The following SDCCAG8 variants were observed in gnomAD, a reference collection of about 807,000 sequenced individuals.
SDCCAG8 encodes serologically defined colon cancer antigen 8.
SDCCAG8 carries 74 observed loss-of-function variants against 101.8 expected under a neutral mutation model. The ratio of observed to expected loss-of-function variants is 0.73; its 90% CI spans 0.60 to 0.88. The LOEUF (loss-of-function observed/expected upper bound fraction) is 0.88. SDCCAG8 is among the 40% of genes least tolerant of loss of function. The probability of loss-of-function intolerance (pLI) is 0.00; values close to 1 mark genes in which losing one functional copy is unlikely to be tolerated. For synonymous variants in SDCCAG8, 281 were observed against 292.9 expected, an observed-to-expected ratio of 0.96 and a Z score of 0.41; for missense variants, 787 against 822.6, an observed-to-expected ratio of 0.96 and a Z score of 0.53.
intron 12 of SDCCAG8, chr1:243,346,250 C>T (rs1009147116): frequency 6.5e-6 from 1 of 154,376 alleles, no homozygotes; most frequent in Non-Finnish European, 1.5e-5. Flanking sequence ...AACTACTTTG[C>T]TTGGCCACCA....
chr1:243,382,037 C>A (rs1372659350), intron 13 of SDCCAG8, among the ~76,000 whole-genome samples: 3 of 151,964 alleles, frequency 2.0e-5, no homozygotes, highest in Non-Finnish European at 4.4e-5. Flanking sequence ...GGTTGGGTAC[C>A]CCAGGTAGAG....
Position 243,431,501 on chromosome 1 carries a change from G to A in SDCCAG8, c.1985+4943G>A, listed in dbSNP as rs556867079. ...GCCTGGGTTTGGGATGAGATCAAGCGTTACGTTTTGGCCATGAATTTAATG... is the reference window on the plus strand; with the variant it reads ...GCCTGGGTTTGGGATGAGATCAAGCATTACGTTTTGGCCATGAATTTAATG... On this transcript the variant is annotated intron_variant, in intron 16 of 17. Coordinates refer to ENST00000366541, the MANE Select transcript of SDCCAG8 (RefSeq NM_006642.5). Among the ~76,000 whole-genome samples, 104 of 152,254 alleles carry A rather than the reference G, an allele frequency of 6.8e-4. 2 individuals carry two copies. Among genetic ancestry groups the A allele is most frequent in the African/African-American group, 2.3e-3 (95 of 41,562 alleles).
chr1:243,455,492 C>T (rs1329866684), intron 16 of SDCCAG8, among the ~76,000 whole-genome samples: 1 of 152,188 alleles, frequency 6.6e-6, no homozygotes, highest in Non-Finnish European at 1.5e-5. Context: ...TGGTCTCGAT[C>T]TCCTCACCCC....
At chr1:243,361,352 C>T (rs2076701133) in intron 12 of SDCCAG8, among the ~76,000 whole-genome samples, 1 of 152,220 alleles carries the variant, frequency 6.6e-6, no homozygotes, top group Admixed American at 6.5e-5. Flanking sequence ...ATATCTTACT[C>T]ATTTGTTTAT....
At chr1:243,382,657 A>C (rs756555339) in intron 13 of SDCCAG8, among the ~76,000 whole-genome samples, 86 of 152,212 alleles carry the variant, frequency 5.7e-4, no homozygotes, top group Non-Finnish European at 1.2e-3. Context: ...GAATAATGAC[A>C]GATTCAAATA....
At chr1:243,362,901 A>T (rs2147857483) in intron 12 of SDCCAG8, among the ~76,000 whole-genome samples, 1 of 152,348 alleles carries the variant, frequency 6.6e-6, no homozygotes, top group Admixed American at 6.5e-5. Flanking sequence ...CATGGCACGC[A>T]TCTGCTGACC....
chr1:243,349,250 G>A (rs1312929601), intron 12 of SDCCAG8, among the ~76,000 whole-genome samples: 2 of 152,176 alleles, frequency 1.3e-5, no homozygotes, highest in African/African-American at 4.8e-5. Flanking sequence ...ATATGCTAAT[G>A]TGCCCAGTAT....
chr1:243,439,359 C>T (rs1022138714), intron 16 of SDCCAG8, among the ~76,000 whole-genome samples: 1 of 152,000 alleles, frequency 6.6e-6, no homozygotes, highest in Non-Finnish European at 1.5e-5. Context: ...CGCAGTGGCT[C>T]ATGCCTGTAA....
chr1:243,434,305 G>C (rs1386526686), intron 16 of SDCCAG8, among the ~76,000 whole-genome samples: 1 of 152,226 alleles, frequency 6.6e-6, no homozygotes, highest in Non-Finnish European at 1.5e-5. Flanking sequence ...TCAGCAATTT[G>C]CTGTAGAGAG....
chr1:243,480,816 GGGATGGAT>G (rs1279407787), intron 16 of SDCCAG8, among the ~76,000 whole-genome samples: 1 of 97,570 alleles, frequency 1.0e-5, no homozygotes, highest in South Asian at 3.8e-4. Flanking sequence ...ATGGATGGGT[GGGATGGAT>G]GGATGGATGG....
rs184573400 is a variant in SDCCAG8, at chr1:243,420,259, A to G, written c.1853+2183A>G. 5.9e-5 allele frequency among the ~76,000 whole-genome samples: 9 copies of G among 152,308 alleles called. No homozygotes were observed. The East Asian group carries it at 1.7e-3, about 29-fold the overall frequency. ...TCTCCTTCTGTAAAAACATTTCTAA[A>G]GCCACACTGCAGGATTGTTATGGGA... is the stretch of plus-strand genomic sequence containing the variant. On this transcript the variant is annotated intron_variant, in intron 15 of 17. Transcript: ENST00000366541.
chr1:243,396,149 A>C (rs2079016606), intron 13 of SDCCAG8, among the ~76,000 whole-genome samples: 1 of 152,188 alleles, frequency 6.6e-6, no homozygotes, highest in Admixed American at 6.5e-5. Flanking sequence ...GATATCTAAA[A>C]TACCAGTAAA....
At chr1:243,445,797 A>G (rs1353031015) in intron 16 of SDCCAG8, among the ~76,000 whole-genome samples, 1 of 152,210 alleles carries the variant, frequency 6.6e-6, no homozygotes, top group Non-Finnish European at 1.5e-5. Flanking sequence ...TATTTCAGGC[A>G]CACCTAATTG....
At chr1:243,360,589 C>T (rs894170748) in intron 12 of SDCCAG8, among the ~76,000 whole-genome samples, 10 of 151,828 alleles carry the variant, frequency 6.6e-5, no homozygotes, top group Non-Finnish European at 8.8e-5. Context: ...TTTGGGAGGC[C>T]GAGGCAGGTG....
chr1:243,459,154 T>G (rs1264547632), intron 16 of SDCCAG8, among the ~76,000 whole-genome samples: 1 of 152,230 alleles, frequency 6.6e-6, no homozygotes, highest in East Asian at 1.9e-4. Flanking sequence ...TATTGACAAT[T>G]CACTCAGACA....
intron 16 of SDCCAG8, among the ~76,000 whole-genome samples, chr1:243,432,602 A>G (rs984868274): frequency 1.3e-5 from 2 of 152,252 alleles, no homozygotes; most frequent in African/African-American, 2.4e-5. Context: ...TATATTCAAA[A>G]AGCAAACATT....
intron 8 of SDCCAG8, among the ~76,000 whole-genome samples, chr1:243,315,989 T>A (rs2073198619): frequency 6.6e-6 from 1 of 152,252 alleles, no homozygotes; most frequent in Non-Finnish European, 1.5e-5. Flanking sequence ...ATATTTTATA[T>A]GGGACTTATT....
chr1:243,387,399 T>G (rs1235744272), intron 13 of SDCCAG8, among the ~76,000 whole-genome samples: 1 of 152,186 alleles, frequency 6.6e-6, no homozygotes, highest in African/African-American at 2.4e-5. Context: ...TTCTTATTTC[T>G]CCTTTTACAT....
chr1:243,396,066 T>C (rs1054389042), intron 13 of SDCCAG8, among the ~76,000 whole-genome samples: 2 of 152,128 alleles, frequency 1.3e-5, no homozygotes, highest in Non-Finnish European at 2.9e-5. Flanking sequence ...TATTTTCTCC[T>C]AAAAAATGAT....
Sources: gnomAD v4.1 joint callset for allele counts (sites outside exome capture counted in the v4.1 genomes callset) on GRCh38, gnomAD v4.1.1 for gene constraint, MANE v1.5 for transcripts, NCBI Gene and HGNC (gene_info 2026-07-23, HGNC 2026-07-21) for gene names.